HECTD4: variants seen among roughly 807,000 people sequenced by gnomAD.
HECTD4 encodes probable E3 ubiquitin-protein ligase HECTD4.
Under a neutral mutation model 471.5 loss-of-function variants are expected in HECTD4, and 114 were observed. The ratio of observed to expected loss-of-function variants is 0.24; its 90% confidence interval spans 0.21 to 0.28. The LOEUF is 0.28. Among genes scored for constraint, HECTD4 ranks in the 10% least tolerant of loss-of-function variants. The pLI is 1.00. For missense variants in HECTD4, 3,866 were observed against 5,651.5 expected (o/e 0.68, Z 10.13); for synonymous variants, 2,012 against 2,256.0 (o/e 0.89, Z 3.07).
chr12:112,380,689 G>T (rs1266482881), intron 1 of HECTD4, among the ~76,000 whole-genome samples: 1 of 152,084 alleles, frequency 6.6e-6, no homozygotes, highest in Non-Finnish European at 1.5e-5. Flanking sequence ...TGACTAGATT[G>T]TAAAATAAGT....
intron 62 of HECTD4, among the ~76,000 whole-genome samples, chr12:112,181,649 G>A (rs1467538088): frequency 6.6e-6 from 1 of 152,084 alleles, no homozygotes; most frequent in Non-Finnish European, 1.5e-5. Flanking sequence ...TTGTAGAGAC[G>A]AGGTCTCACT....
intron 1 of HECTD4, among the ~76,000 whole-genome samples, chr12:112,320,124 C>T (rs1283100605): frequency 1.3e-5 from 2 of 150,758 alleles, no homozygotes; most frequent in African/African-American, 4.9e-5. Flanking sequence ...AGCTTGAGCC[C>T]AGCAGTTGGA....
chr12:112,193,242 C>T lies in HECTD4; in HGVS notation c.8956-51G>A. The T allele has an allele frequency of 1.3e-6, 2 of 1,598,584 alleles. No individual in the cohort carries two copies. The highest frequency in any genetic ancestry group is 1.7e-6 in the Non-Finnish European group (2 of 1,171,534). On this transcript the variant is annotated intron_variant, in intron 57 of 75. Transcript: ENST00000682272. This position sits in a 1 kb window ranked among gnomAD's most constrained non-coding sequence, Gnocchi z 5.2. ...AGCCACGGGCTAAACACAGGGACAG[C>T]ATTTCATCTTCTCATCTCACATGGC...
rs1470792864 is a variant in HECTD4 at position 112,213,266 on chromosome 12, T to C, written c.7466-616A>G. On this transcript the variant is annotated intron_variant, in intron 48 of 75. Transcript: ENST00000682272. This position sits in a 1 kb window ranked among gnomAD's most constrained non-coding sequence, Gnocchi z 4.0. ...CAGGCAAGAAAAAAATGAAAAACACTAGGTACTATTTTTAAAATAGAAAAA... is the reference window on the plus strand; with the variant it reads ...CAGGCAAGAAAAAAATGAAAAACACCAGGTACTATTTTTAAAATAGAAAAA... Among the ~76,000 whole-genome samples the C allele has an allele frequency of 6.6e-6, 1 of 152,162 alleles. No homozygotes were observed. The highest frequency in any genetic ancestry group is 1.9e-4 in the East Asian group (1 of 5,200).
rs567059615 is a variant in HECTD4, at chr12:112,193,546, C to T, written c.8878G>A (p.Val2960Met). 2 of 1,612,806 alleles carry T rather than the reference C, an allele frequency of 1.2e-6. No homozygotes were observed. Among genetic ancestry groups the T allele is most frequent in the East Asian group, 2.2e-5 (1 of 44,844 alleles). Residue 2960 changes from valine to methionine, a missense_variant, in exon 57 of 76, where the codon GTG becomes ATG. Val to Met is a conservative substitution (Grantham distance 21, BLOSUM62 1). This residue lies in a region of HECTD4 where 364 missense variants were observed against 413.2 expected (regional missense o/e 0.88). Coordinates refer to ENST00000682272, the MANE Select transcript of HECTD4 (RefSeq NM_001388303.1). This position sits in a 1 kb window ranked among gnomAD's most constrained non-coding sequence, Gnocchi z 5.2. Reference protein sequence around the residue: ...NSQTVREWLNVAITRTLHQGE... With the variant: ...NSQTVREWLNMAITRTLHQGE... ...TGGTGCAGGGTCCGGGTGATGGCCACGTTGAGCCACTCTCTCACTGTCTGG... is the reference window on the plus strand; with the variant it reads ...TGGTGCAGGGTCCGGGTGATGGCCATGTTGAGCCACTCTCTCACTGTCTGG...
At chr12:112,220,241 A>C (rs773002257) in intron 44 of HECTD4, among the ~76,000 whole-genome samples, 1 of 152,156 alleles carries the variant, frequency 6.6e-6, no homozygotes, top group Non-Finnish European at 1.5e-5. Flanking sequence ...AAAATCTAAT[A>C]TCTATGGAGC....
chr12:112,262,329 G>A (rs1334420851), intron 17 of HECTD4, among the ~76,000 whole-genome samples: 2 of 151,858 alleles, frequency 1.3e-5, no homozygotes, highest in African/African-American at 2.4e-5. Context: ...TGGACAACAC[G>A]GTGAAACCCC....
At chr12:112,285,263 G>A (rs2034726210) in intron 7 of HECTD4, among the ~76,000 whole-genome samples, 1 of 152,030 alleles carries the variant, frequency 6.6e-6, no homozygotes, top group African/African-American at 2.4e-5. Flanking sequence ...ATCTTCATTT[G>A]CTTAAATGGG....
In HECTD4 at chr12:112,178,609, C is replaced by T. The variant is rs545492860; in HGVS notation, c.11363+322G>A. 7.9e-5 allele frequency among the ~76,000 whole-genome samples: 12 copies of T among 152,278 alleles called. No homozygotes were observed. In the East Asian group the frequency reaches 1.5e-3, roughly 20 times the overall value. ...CTGTGGGAGGCCAGTGCAGGCTGAT[C>T]GCTTGAGCCTAGGAGTTGAAGACCA... On this transcript the variant is annotated intron_variant, in intron 64 of 75. Transcript: ENST00000682272.
chr12:112,176,748 C>T (rs1362481247), intron 64 of HECTD4, 46 bp from the exon 65 acceptor site: 1 of 1,326,018 alleles, frequency 7.5e-7, no homozygotes, highest in Admixed American at 1.7e-5. Flanking sequence ...GTTCACACCT[C>T]CTCCCGATAG....
At position 112,235,137 on chromosome 12, in the gene HECTD4, G is replaced by A. The variant is rs2033471160; in HGVS notation, c.5855C>T (p.Ser1952Leu). 3 of 1,610,970 alleles carry A rather than the reference G, an allele frequency of 1.9e-6. No individual in the cohort carries two copies. Among genetic ancestry groups the A allele is most frequent in the African/African-American group, 1.3e-5 (1 of 74,882 alleles). Reference protein sequence around the residue: ...EESEAVDGKLSIFIHKREDQS... With the variant: ...EESEAVDGKLLIFIHKREDQS... ...GTCTTCCCGCTTGTGGATAAATATC[G>A]AGAGCTTGCCATCCACAGCCTCACT... The change falls in exon 37 of 76, where the codon TCG (serine) becomes TTG (leucine). Residue 1952 changes from serine (S) to leucine (L), a missense_variant. Ser to Leu is a moderately radical substitution (Grantham distance 145, BLOSUM62 -2). Transcript: ENST00000682272. This position sits in a 1 kb window ranked among gnomAD's most constrained non-coding sequence, Gnocchi z 5.0.
At chr12:112,330,928 G>A (rs2035834837) in intron 1 of HECTD4, among the ~76,000 whole-genome samples, 2 of 152,252 alleles carry the variant, frequency 1.3e-5, no homozygotes, top group South Asian at 4.1e-4. Context: ...TATGATTTAG[G>A]GCAGCTGTTC....
In HECTD4 at chr12:112,382,156, G is replaced by C. The variant is rs2036907569; in HGVS notation, c.-28C>G. On this transcript the variant is annotated 5_prime_UTR_variant, in exon 1 of 76. Coordinates refer to ENST00000682272, the MANE Select transcript of HECTD4 (RefSeq NM_001388303.1). ...CCCCGGCTGAAGGCTTGGCGCTGAGGAGCAGACGCCCGGCCGGGGGAAACG... is the reference window on the plus strand; with the variant it reads ...CCCCGGCTGAAGGCTTGGCGCTGAGCAGCAGACGCCCGGCCGGGGGAAACG... 8.2e-7 allele frequency: 1 copy of C among 1,216,922 alleles called. No homozygotes were observed. Among genetic ancestry groups the C allele is most frequent in the Admixed American group, 4.4e-5 (1 of 22,948 alleles). 75.4% of individuals were successfully genotyped at this position (1,216,922 alleles called of 1,614,324 possible).
chr12:112,366,339 T>G (rs1420780169), intron 1 of HECTD4, among the ~76,000 whole-genome samples: 1 of 151,632 alleles, frequency 6.6e-6, no homozygotes, highest in Non-Finnish European at 1.5e-5. Flanking sequence ...GAGACCCCCA[T>G]GTCTACAAAA....
intron 7 of HECTD4, among the ~76,000 whole-genome samples, chr12:112,293,161 T>A (rs1276110342): frequency 1.3e-5 from 2 of 150,878 alleles, no homozygotes; most frequent in Admixed American, 1.3e-4. Context: ...AGGTCAGGAG[T>A]TCGAGACCAG....
chr12:112,200,326 G>C (rs2032382045), intron 55 of HECTD4, among the ~76,000 whole-genome samples: 1 of 152,022 alleles, frequency 6.6e-6, no homozygotes, highest in African/African-American at 2.4e-5. Context: ...GCTAATTTTT[G>C]TATTTTTAGT....
At chr12:112,290,355 T>C (rs2034849962) in intron 7 of HECTD4, among the ~76,000 whole-genome samples, 1 of 151,792 alleles carries the variant, frequency 6.6e-6, no homozygotes, top group Non-Finnish European at 1.5e-5. Flanking sequence ...AATCATAGGC[T>C]CTAGAAAATA....
At chr12:112,256,988 C>T (rs1329452690) in intron 20 of HECTD4, 1 of 152,196 alleles carries the variant, frequency 6.6e-6, no homozygotes, top group Non-Finnish European at 1.5e-5. Context: ...CTCCAGGAGT[C>T]TACATAGCTA....
At chr12:112,375,543 T>C (rs765862629) in intron 1 of HECTD4, among the ~76,000 whole-genome samples, 1 of 152,190 alleles carries the variant, frequency 6.6e-6, no homozygotes, top group Non-Finnish European at 1.5e-5. Flanking sequence ...TTATATACGA[T>C]GCCTGCTTGT....
Sources: allele counts gnomAD v4.1 joint callset (sites outside exome capture counted in the v4.1 genomes callset), GRCh38; gene constraint gnomAD v4.1.1; regional missense constraint gnomAD v4.1.1; non-coding constraint Gnocchi (gnomAD v3.1); transcripts MANE v1.5; gene names NCBI Gene and HGNC (gene_info 2026-07-23, HGNC 2026-07-21).